The following TMC7 variants were observed in gnomAD, a reference collection of about 807,000 sequenced individuals.
The protein encoded by TMC7 is transmembrane channel like 7, also known as transmembrane channel-like protein 7.
In TMC7, 54 loss-of-function variants were observed where a neutral mutation model predicts 82.9. The observed-to-expected ratio is 0.65, with a 90% confidence interval of 0.52 to 0.82. The LOEUF is 0.82. Ranked by LOEUF, TMC7 falls within the 40% of genes least tolerant of loss-of-function variation. The pLI is 0.00. For synonymous variants in TMC7, 350 were observed against 337.9 expected (o/e 1.04, Z -0.39); for missense variants, 820 against 901.2 (o/e 0.91, Z 1.15).
chr16:19,035,775 C>G lies in TMC7; in HGVS notation c.957C>G (p.Asn319Lys). Reference protein sequence around the residue: ...IFAGWDFCITNRSMADLKHSS... With the variant: ...IFAGWDFCITKRSMADLKHSS... ...CCGGCTGGGACTTCTGCATCACTAACCGCAGCATGGCGGATCTGAAGCACA... is the reference window on the plus strand; with the variant it reads ...CCGGCTGGGACTTCTGCATCACTAAGCGCAGCATGGCGGATCTGAAGCACA... The change falls in exon 7 of 16, where the codon AAC becomes AAG. Residue 319 changes from asparagine (N) to lysine (K), a missense_variant. This residue lies in a region of TMC7 where 650 missense variants were observed against 669.9 expected (regional missense o/e 0.97). Transcript: ENST00000304381. 6.2e-7 allele frequency: 1 copy of G among 1,612,220 alleles called. No homozygotes were observed. Among genetic ancestry groups the G allele is most frequent in the Non-Finnish European group, 8.5e-7 (1 of 1,179,060 alleles).
chr16:19,006,282 C>A (rs1276158545), intron 1 of TMC7, among the ~76,000 whole-genome samples: 1 of 151,594 alleles, frequency 6.6e-6, no homozygotes, highest in Non-Finnish European at 1.5e-5. Context: ...CTCACTGCAA[C>A]CTCCGCCTCC....
chr16:19,030,012 G>A (rs986085860), intron 5 of TMC7, among the ~76,000 whole-genome samples: 10 of 151,884 alleles, frequency 6.6e-5, no homozygotes, highest in African/African-American at 1.5e-4. Flanking sequence ...CACCTTGCCC[G>A]GCCCACCTGT....
intron 9 of TMC7, among the ~76,000 whole-genome samples, chr16:19,042,282 C>T (rs1006917043): frequency 1.3e-5 from 2 of 151,974 alleles, no homozygotes; most frequent in African/African-American, 4.8e-5. Flanking sequence ...CCAAGTGACC[C>T]TCCTGCCTCA....
Position 19,045,415 on chromosome 16 carries a change from AC to A in TMC7, c.1531del (p.Leu511SerfsTer11). 1 of 1,613,122 alleles carries A rather than the reference AC, an allele frequency of 6.2e-7. No individual in the cohort carries two copies. The highest frequency in any genetic ancestry group is 8.5e-7 in the Non-Finnish European group (1 of 1,179,854). On this transcript the variant is annotated frameshift_variant, in exon 11 of 16. Coordinates refer to ENST00000304381, the MANE Select transcript of TMC7 (RefSeq NM_024847.4). LOFTEE classifies it high-confidence loss of function. ...FDFIIILAVTLFVDFPRKLLV... is the reference protein window; with the variant it reads ...FDFIIILAVTXFVDFPRKLLV... The stretch of plus-strand genomic sequence containing the variant: ...ACTTCATCATCATCTTGGCTGTGAC[AC>A]TCTTCGTGGATTTTCCTAGAAAGTA...
intron 6 of TMC7, among the ~76,000 whole-genome samples, chr16:19,032,825 C>T (rs1960578596): frequency 6.6e-6 from 1 of 152,228 alleles, no homozygotes; most frequent in Non-Finnish European, 1.5e-5. Flanking sequence ...GATGGGGTTT[C>T]ACGACGTTGG....
At chr16:19,026,180 TA>T (rs111479366) in intron 5 of TMC7, among the ~76,000 whole-genome samples, 1 of 149,508 alleles carries the variant, frequency 6.7e-6, no homozygotes. Flanking sequence ...CAAAAAAAGT[TA>T]AAAAAAAATA....
At chr16:19,022,968 C>G (rs1035109737) in intron 4 of TMC7, 145 bp from the exon 5 acceptor site, 1 of 425,812 alleles carries the variant, frequency 2.3e-6, no homozygotes, top group African/African-American at 2.1e-5. Context: ...TTCAGTGAGC[C>G]AAGATCACGC....
intron 13 of TMC7, among the ~76,000 whole-genome samples, chr16:19,053,873 C>T (rs200285323): frequency 7.3e-6 from 1 of 137,778 alleles, no homozygotes; most frequent in Non-Finnish European, 1.5e-5. Flanking sequence ...TTTAAAGATG[C>T]GATCTTGCTA....
intron 8 of TMC7, 23 bp from the exon 9 acceptor site, chr16:19,040,266 A>G: frequency 6.2e-7 from 1 of 1,606,500 alleles, no homozygotes; most frequent in Non-Finnish European, 8.5e-7. Flanking sequence ...ACTCCTGACT[A>G]ATAAGTTTTG....
chr16:19,011,594 A>G (rs1235578050), intron 2 of TMC7, among the ~76,000 whole-genome samples: 1 of 151,994 alleles, frequency 6.6e-6, no homozygotes, highest in Non-Finnish European at 1.5e-5. Context: ...ATGTGTGCCT[A>G]TAGTCCCAGC....
chr16:18,990,740 G>A (rs1037045981), intron 1 of TMC7, among the ~76,000 whole-genome samples: 2 of 152,172 alleles, frequency 1.3e-5, no homozygotes, highest in African/African-American at 4.8e-5. Context: ...TCTTAAGGGT[G>A]AGGAGAATTA....
chr16:19,009,139 G>C lies in TMC7; in HGVS notation c.68-33G>C, dbSNP rs750499854. On this transcript the variant is annotated intron_variant, in intron 1 of 15. Coordinates refer to ENST00000304381, the MANE Select transcript of TMC7 (RefSeq NM_024847.4). ...TCCTGCTTGGCTTCCGAACTCACTG[G>C]AGTGAATGATGACTTTCTTTTCTTT... 4 of 1,602,392 alleles carry C rather than the reference G, an allele frequency of 2.5e-6. No homozygotes were observed. The Admixed American group carries it at 6.8e-5, about 27-fold the overall frequency.
chr16:19,012,564 G>A (rs934277736), intron 2 of TMC7, among the ~76,000 whole-genome samples: 3 of 151,928 alleles, frequency 2.0e-5, no homozygotes, highest in Non-Finnish European at 2.9e-5. Flanking sequence ...CAAGGCGGGT[G>A]GATCACCTGA....
chr16:19,028,557 T>C (rs188204867), intron 5 of TMC7, among the ~76,000 whole-genome samples: 2 of 152,296 alleles, frequency 1.3e-5, no homozygotes, highest in East Asian at 1.9e-4. Context: ...ACAAGGATGA[T>C]GTTGAATCTG....
rs1225448369 is a variant in TMC7, at chr16:19,045,346, G to A, written c.1461G>A (p.Trp487Ter). 1.2e-6 allele frequency: 2 copies of A among 1,613,710 alleles called. No individual in the cohort carries two copies. Residue 487 changes from tryptophan (W) to a stop codon, truncating the protein, a stop_gained, in exon 11 of 16, where the codon TGG becomes TGA. Transcript: ENST00000304381. LOFTEE classifies it high-confidence loss of function. Reference protein sequence around the residue: ...CGYNQKLYPCWETQVGQEMYK... With the variant: ...CGYNQKLYPC Reference sequence around the variant, plus strand: ...CTCACTCTCTTTGATTTCAGTGCTGGGAGACCCAAGTTGGGCAGGAAATGT... The same window carrying A: ...CTCACTCTCTTTGATTTCAGTGCTGAGAGACCCAAGTTGGGCAGGAAATGT...
intron 3 of TMC7, among the ~76,000 whole-genome samples, chr16:19,018,135 C>T (rs947042892): frequency 6.6e-6 from 1 of 152,156 alleles, no homozygotes; most frequent in Non-Finnish European, 1.5e-5. Context: ...CAGACCCTGT[C>T]TCAAAACAAA....
chr16:19,016,065 G>A (rs1959673123), intron 2 of TMC7, among the ~76,000 whole-genome samples: 1 of 151,890 alleles, frequency 6.6e-6, no homozygotes, highest in African/African-American at 2.4e-5. Flanking sequence ...CTTTCAGCTG[G>A]GATTTTATGA....
At chr16:18,998,851 G>A (rs987625681) in intron 1 of TMC7, among the ~76,000 whole-genome samples, 4 of 152,030 alleles carry the variant, frequency 2.6e-5, no homozygotes, top group African/African-American at 9.7e-5. Context: ...AAGGCTGTTT[G>A]CTCATCTGTT....
At chr16:19,049,481 G>A (rs926559075) in intron 12 of TMC7, 10 of 267,634 alleles carry the variant, frequency 3.7e-5, no homozygotes, top group Non-Finnish European at 5.2e-5. Context: ...TGGGCCAACC[G>A]TTCTACCTGG....
Sources: gnomAD v4.1 joint callset for allele counts (sites outside exome capture counted in the v4.1 genomes callset) on GRCh38, gnomAD v4.1.1 for gene constraint, gnomAD v4.1.1 regional missense constraint, MANE v1.5 for transcripts, NCBI Gene and HGNC (gene_info 2026-07-23, HGNC 2026-07-21) for gene names.